The following TMCC2 variants were observed in gnomAD, a reference collection of about 807,000 sequenced individuals.
The protein encoded by TMCC2 is transmembrane and coiled-coil domain family 2, also known as transmembrane and coiled-coil domains protein 2.
TMCC2 carries 16 observed loss-of-function variants against 49.4 expected under a neutral mutation model. The ratio of observed to expected loss-of-function variants is 0.32; its 90% CI spans 0.22 to 0.49. The LOEUF is 0.49. Among genes scored for constraint, TMCC2 ranks in the 20% least tolerant of loss-of-function variants. The pLI, the probability that TMCC2 is intolerant of heterozygous loss-of-function variation, is 0.99. For missense variants in TMCC2, 762 were observed against 989.8 expected (o/e 0.77, Z 3.09); for synonymous variants, 397 against 434.1 (o/e 0.91, Z 1.06).
At chr1:205,266,224 G>A (rs1574865856) in intron 2 of TMCC2, among the ~76,000 whole-genome samples, 3 of 140,828 alleles carry the variant, frequency 2.1e-5, no homozygotes, top group South Asian at 4.6e-4. Context: ...CTGGGCGACA[G>A]AGCGAGACTC....
rs779648332 is a variant in TMCC2, at chr1:205,269,460, G to A, written c.1258G>A (p.Ala420Thr). 7.4e-5 allele frequency: 119 copies of A among 1,607,396 alleles called. 1 individual carries two copies. In the Admixed American group the frequency reaches 1.8e-3, roughly 25 times the overall value. The stretch of plus-strand genomic sequence containing the variant: ...TGGCCTCTCACAGGCCACCCACACC[G>A]CCGTGGTGTCCAAGCCCCGGGAGTT... The part of the protein sequence containing the change: ...LSGLSQATHT[A>T]VVSKPREFAS... Residue 420 changes from alanine (A) to threonine (T), a missense_variant, in exon 3 of 5, where the codon GCC (alanine) becomes ACC (threonine). Transcript: ENST00000358024.
intron 1 of TMCC2, among the ~76,000 whole-genome samples, chr1:205,230,343 T>G (rs755804091): frequency 1.3e-5 from 2 of 152,194 alleles, no homozygotes; most frequent in African/African-American, 4.8e-5. Context: ...GCTAGACTTA[T>G]GTCTAGAGGA....
intron 2 of TMCC2, among the ~76,000 whole-genome samples, chr1:205,265,465 T>C (rs975980746): frequency 1.9e-4 from 29 of 152,060 alleles, no homozygotes; most frequent in Non-Finnish European, 4.4e-5. Context: ...TATTAGCTCC[T>C]CCCACTCTCC....
rs139398807 is a variant in TMCC2, at chr1:205,231,940, A to AAAT, written c.207+3187_207+3189dup. 2.1e-3 allele frequency among the ~76,000 whole-genome samples: 315 copies of AAAT among 152,084 alleles called. 1 individual carries two copies. The highest frequency in any genetic ancestry group is 7.0e-3 in the African/African-American group (289 of 41,506). On this transcript the variant is annotated intron_variant, in intron 1 of 4. Transcript: ENST00000358024. ...AGAAATCATCTTGAGAAAGGGGCAAAAATAATAATAATAATAATAAAGGAC... is the reference window on the plus strand; with the variant it reads ...AGAAATCATCTTGAGAAAGGGGCAAAAATAATAATAATAATAATAATAAAGGAC...
intron 1 of TMCC2, 77 bp downstream of exon 1, chr1:205,228,848 G>A: frequency 6.7e-7 from 1 of 1,489,144 alleles, no homozygotes; most frequent in Non-Finnish European, 9.0e-7. Context: ...TGCTTTAACA[G>A]GATAAAAGTG....
At chr1:205,270,109 C>T (rs574432292) in intron 3 of TMCC2, among the ~76,000 whole-genome samples, 2 of 152,218 alleles carry the variant, frequency 1.3e-5, no homozygotes, top group East Asian at 1.9e-4. Flanking sequence ...TGCAGTGGCA[C>T]GATCTCAGCT....
At chr1:205,239,462 G>A (rs61823976) in intron 1 of TMCC2, among the ~76,000 whole-genome samples, 7,339 of 152,264 alleles carry the variant, frequency 0.048, 230 homozygotes, top group Non-Finnish European at 0.07. Flanking sequence ...GGCCCCCAGG[G>A]GATGGTAACT....
At chr1:205,230,838 CT>C (rs67858812) in intron 1 of TMCC2, among the ~76,000 whole-genome samples, 40,330 of 150,460 alleles carry the variant, frequency 0.27, 7,105 homozygotes, top group Non-Finnish European at 0.39. Flanking sequence ...TTCTTTCTTT[CT>C]TTTTTTTTGG....
intron 1 of TMCC2, among the ~76,000 whole-genome samples, chr1:205,231,343 C>T (rs1659790843): frequency 6.6e-6 from 1 of 152,074 alleles, no homozygotes; most frequent in Admixed American, 6.6e-5. Flanking sequence ...GTCACTCAGG[C>T]TAGAGTGCAG....
chr1:205,231,431 G>A (rs1170729858), intron 1 of TMCC2, among the ~76,000 whole-genome samples: 1 of 151,976 alleles, frequency 6.6e-6, no homozygotes, highest in Non-Finnish European at 1.5e-5. Flanking sequence ...CAAGTAGCTG[G>A]TACTACAGGC....
rs1558662461 is a variant in TMCC2, at chr1:205,273,112, T to G, written c.*988T>G. The G allele has an allele frequency of 6.6e-6, 1 of 152,126 alleles. No individual in the cohort carries two copies. The highest frequency in any genetic ancestry group is 1.5e-5 in the Non-Finnish European group (1 of 68,028). The allele number at this position is 152,126 out of a possible 1,614,324, so 9.4% of individuals were successfully genotyped here. On this transcript the variant is annotated 3_prime_UTR_variant, in exon 5 of 5. Coordinates refer to ENST00000358024, the MANE Select transcript of TMCC2 (RefSeq NM_014858.4). Reference sequence around the variant, plus strand: ...AGGCACGTGGCCTCTCTTTTATCCGTCTATTTATTTTGTAAGTGTATTCGT... The same window carrying G: ...AGGCACGTGGCCTCTCTTTTATCCGGCTATTTATTTTGTAAGTGTATTCGT...
intron 2 of TMCC2, chr1:205,257,166 A>G: frequency 1.6e-6 from 2 of 1,232,584 alleles, no homozygotes; most frequent in Non-Finnish European, 1.0e-6. Flanking sequence ...CTCCTAGAGC[A>G]ATCCGCCCCT....
chr1:205,234,231 G>T (rs184886998), intron 1 of TMCC2: 1 of 152,254 alleles, frequency 6.6e-6, no homozygotes, highest in East Asian at 1.9e-4. Context: ...GGATCATGAG[G>T]TCAGGAGATC....
At chr1:205,240,263 T>C (rs1469584563) in intron 1 of TMCC2, among the ~76,000 whole-genome samples, 1 of 152,224 alleles carries the variant, frequency 6.6e-6, no homozygotes, top group Non-Finnish European at 1.5e-5. Context: ...TATACCACAG[T>C]TGCTCGCCCT....
chr1:205,248,127 C>A (rs576351358), intron 2 of TMCC2, among the ~76,000 whole-genome samples: 1 of 152,328 alleles, frequency 6.6e-6, no homozygotes, highest in African/African-American at 2.4e-5. Flanking sequence ...ACATTCTTGG[C>A]TGGGCAAGGT....
intron 1 of TMCC2, among the ~76,000 whole-genome samples, chr1:205,230,997 T>TCCCCCCCC (rs57350842): frequency 3.5e-4 from 15 of 42,272 alleles, no homozygotes; most frequent in Non-Finnish European, 4.5e-4. Context: ...CATCCCCCCA[T>TCCCCCCCC]CCCCCCCCCC....
chr1:205,256,220 G>A, intron 2 of TMCC2: 1 of 1,492,588 alleles, frequency 6.7e-7, no homozygotes, highest in Non-Finnish European at 8.9e-7. Context: ...CAGAATCCAT[G>A]TCTTTCTGAA....
At position 205,269,544 on chromosome 1, in the gene TMCC2, C is replaced by T. The variant is rs1661493317; in HGVS notation, c.1342C>T (p.Pro448Ser). 6 of 1,613,754 alleles carry T rather than the reference C, an allele frequency of 3.7e-6. No individual in the cohort carries two copies. Among genetic ancestry groups the T allele is most frequent in the Non-Finnish European group, 5.1e-6 (6 of 1,179,884 alleles). ...TGACAACATCGCCCACCTGAAGGAC[C>T]CCCTGGAAGATGGGCCCCCTGAGGA... Reference protein sequence around the residue: ...SADNIAHLKDPLEDGPPEEAA... With the variant: ...SADNIAHLKDSLEDGPPEEAA... The change falls in exon 3 of 5, where the codon CCC becomes TCC. Residue 448 changes from proline to serine, a missense_variant. By Grantham distance (74) the Pro-to-Ser change is moderately conservative (BLOSUM62 -1). This residue lies in a region of TMCC2 where 440 missense variants were observed against 636.7 expected (regional missense o/e 0.69). Coordinates refer to ENST00000358024, the MANE Select transcript of TMCC2 (RefSeq NM_014858.4).
At chr1:205,248,898 G>A (rs1660559817) in intron 2 of TMCC2, among the ~76,000 whole-genome samples, 1 of 152,192 alleles carries the variant, frequency 6.6e-6, no homozygotes, top group Non-Finnish European at 1.5e-5. Flanking sequence ...CAGCACAGGA[G>A]TGCTGGATTT....
Sources: allele counts gnomAD v4.1 joint callset (sites outside exome capture counted in the v4.1 genomes callset), GRCh38; gene constraint gnomAD v4.1.1; regional missense constraint gnomAD v4.1.1; transcripts MANE v1.5; gene names NCBI Gene and HGNC (gene_info 2026-07-23, HGNC 2026-07-21).